Variants in TRHDE observed in about 807,000 individuals in gnomAD.
TRHDE encodes thyrotropin releasing hormone degrading enzyme, also known as thyrotropin-releasing hormone-degrading ectoenzyme.
Under a neutral mutation model 125.7 loss-of-function variants are expected in TRHDE, and 72 were observed. The ratio of observed to expected loss-of-function variants is 0.57; its 90% CI spans 0.47 to 0.70. The LOEUF is 0.70. TRHDE is among the 30% of genes least tolerant of loss of function. The probability of loss-of-function intolerance (pLI) is 0.00; values close to 1 mark genes in which losing one functional copy is unlikely to be tolerated. For missense variants in TRHDE, 1,110 were observed against 1,327.1 expected (o/e 0.84, Z 2.54); for synonymous variants, 509 against 509.1 (o/e 1.00, Z 0.00).
intron 7 of TRHDE, among the ~76,000 whole-genome samples, chr12:72,553,725 G>A (rs1240226481): frequency 6.6e-6 from 1 of 151,422 alleles, no homozygotes; most frequent in Non-Finnish European, 1.5e-5. Context: ...TTTTTCTACC[G>A]CTCCACCACA....
In TRHDE at chr12:72,188,736, T is replaced by TA. The variant is rs201185642; in HGVS notation, n.279+82992dup. Among the ~76,000 whole-genome samples, 128 of 152,232 alleles carry TA rather than the reference T, an allele frequency of 8.4e-4. 1 individual carries two copies. In the East Asian group the frequency reaches 0.016, roughly 19 times the overall value. ...TTTTTTTTGTATATGTGAAAGACTT[T>TA]AAAAAAAATCAGAATAAATTAAGCA... is the stretch of plus-strand genomic sequence containing the variant. On this transcript the variant is annotated intron_variant and non_coding_transcript_variant, in intron 2 of 4. Transcript: ENST00000548156.
intron 6 of TRHDE, among the ~76,000 whole-genome samples, chr12:72,508,216 T>C (rs1431430872): frequency 6.6e-6 from 1 of 152,162 alleles, no homozygotes; most frequent in African/African-American, 2.4e-5. Context: ...CAAGTGGGGC[T>C]GTGAGAAGAG....
At chr12:72,218,209 G>A (rs761766378) in intron 2 of TRHDE, among the ~76,000 whole-genome samples, 6 of 152,064 alleles carry the variant, frequency 3.9e-5, no homozygotes, top group Admixed American at 6.6e-5. Flanking sequence ...ATTTTAAAGG[G>A]AAAATAATAG....
intron 2 of TRHDE, among the ~76,000 whole-genome samples, chr12:72,359,725 C>T (rs1327666540): frequency 5.3e-5 from 8 of 151,696 alleles, no homozygotes; most frequent in African/African-American, 1.9e-4. Flanking sequence ...AGTTGACATG[C>T]AAATACAGTG....
intron 2 of TRHDE, among the ~76,000 whole-genome samples, chr12:72,231,777 T>C (rs1878251144): frequency 6.6e-6 from 1 of 152,176 alleles, no homozygotes; most frequent in East Asian, 1.9e-4. Context: ...TCAGAGTTAA[T>C]GGTGGGGACA....
At chr12:72,636,691 T>G (rs567880019) in intron 15 of TRHDE, among the ~76,000 whole-genome samples, 2 of 152,312 alleles carry the variant, frequency 1.3e-5, no homozygotes, top group African/African-American at 4.8e-5. Flanking sequence ...AATACCTAAT[T>G]TATTGAAAGT....
intron 2 of TRHDE, among the ~76,000 whole-genome samples, chr12:72,179,895 C>T (rs1357546653): frequency 6.6e-6 from 1 of 152,034 alleles, no homozygotes; most frequent in African/African-American, 2.4e-5. Flanking sequence ...TGTGATTCTT[C>T]TAGTTATTTA....
intron 3 of TRHDE, among the ~76,000 whole-genome samples, chr12:72,460,853 G>T (rs1274176608): frequency 6.6e-6 from 1 of 152,218 alleles, no homozygotes; most frequent in South Asian, 2.1e-4. Context: ...AAAAATTAAA[G>T]GGGTGAGAAA....
chr12:72,511,773 A>G (rs1386948408), intron 6 of TRHDE, among the ~76,000 whole-genome samples: 2 of 152,154 alleles, frequency 1.3e-5, no homozygotes, highest in Admixed American at 6.6e-5. Context: ...CTTAACACTT[A>G]AAACAGCTAG....
intron 1 of TRHDE, among the ~76,000 whole-genome samples, chr12:72,105,146 G>C (rs1434181803): frequency 2.6e-5 from 4 of 152,154 alleles, no homozygotes; most frequent in African/African-American, 9.7e-5. Flanking sequence ...TTTGCAGAAG[G>C]GGAAGATGCT....
At chr12:72,266,205 G>A (rs1021778789) in intron 2 of TRHDE, among the ~76,000 whole-genome samples, 7 of 152,146 alleles carry the variant, frequency 4.6e-5, no homozygotes, top group Non-Finnish European at 5.9e-5. Flanking sequence ...ATGAAATAAA[G>A]CAGGATATTT....
intron 2 of TRHDE, among the ~76,000 whole-genome samples, chr12:72,180,276 G>A (rs1330534051): frequency 6.6e-6 from 1 of 151,960 alleles, no homozygotes; most frequent in African/African-American, 2.4e-5. Flanking sequence ...AAATATTTGT[G>A]TGACTTGCAT....
intron 3 of TRHDE, among the ~76,000 whole-genome samples, chr12:72,396,992 G>A (rs1403595397): frequency 6.6e-6 from 1 of 152,146 alleles, no homozygotes; most frequent in African/African-American, 2.4e-5. Flanking sequence ...GTATGCTGAT[G>A]CATTTATATC....
chr12:72,381,165 C>T (rs1872158448), intron 3 of TRHDE, among the ~76,000 whole-genome samples: 1 of 152,022 alleles, frequency 6.6e-6, no homozygotes, highest in Admixed American at 6.6e-5. Context: ...TGCTAACCAT[C>T]CTACAATGCA....
chr12:72,346,985 TGGTG>T (rs1438332647), intron 2 of TRHDE, among the ~76,000 whole-genome samples: 2 of 152,080 alleles, frequency 1.3e-5, no homozygotes, highest in African/African-American at 4.8e-5. Flanking sequence ...CAGTTTCACA[TGGTG>T]TTCTCTGTGT....
intron 10 of TRHDE, 51 bp downstream of exon 10, chr12:72,568,707 T>G: frequency 2.3e-6 from 3 of 1,308,928 alleles, no homozygotes; most frequent in Non-Finnish European, 3.3e-6. Flanking sequence ...GATAATTGTT[T>G]AGCAACTTAA....
intron 12 of TRHDE, among the ~76,000 whole-genome samples, chr12:72,589,884 A>G (rs1045799419): frequency 1.3e-5 from 2 of 151,646 alleles, no homozygotes; most frequent in Non-Finnish European, 1.5e-5. Flanking sequence ...TCTATTTTCT[A>G]TTTCATTTAT....
intron 3 of TRHDE, among the ~76,000 whole-genome samples, chr12:72,396,411 C>G (rs549775740): frequency 6.6e-6 from 1 of 152,166 alleles, no homozygotes; most frequent in South Asian, 2.1e-4. Flanking sequence ...TTACTTGGCC[C>G]CTCTATAGCC....
chr12:72,639,574 C>T (rs1375556083), intron 15 of TRHDE, among the ~76,000 whole-genome samples: 14 of 150,680 alleles, frequency 9.3e-5, no homozygotes, highest in South Asian at 6.2e-4. Context: ...GGAGGAGAGG[C>T]GCTCTGCTTT....
Sources: gnomAD v4.1 joint callset for allele counts (sites outside exome capture counted in the v4.1 genomes callset) on GRCh38, gnomAD v4.1.1 for gene constraint, MANE v1.5 for transcripts, NCBI Gene and HGNC (gene_info 2026-07-23, HGNC 2026-07-21) for gene names.